The following RMDN2 variants were observed in gnomAD, a reference collection of about 807,000 sequenced individuals.
The protein encoded by RMDN2 is regulator of microtubule dynamics protein 2.
A neutral mutation model predicts 52.8 loss-of-function variants in RMDN2; 61 were observed. The observed-to-expected ratio is 1.16, with a 90% confidence interval of 0.94 to 1.43. RMDN2 has a LOEUF of 1.43. Ranked by LOEUF, RMDN2 falls within the 40% of genes most tolerant of loss-of-function variation. The probability of loss-of-function intolerance (pLI) is 0.00; values close to 1 mark genes in which losing one functional copy is unlikely to be tolerated. For synonymous variants in RMDN2, 180 were observed against 153.1 expected (o/e 1.18, Z -1.30); for missense variants, 592 against 475.3 (o/e 1.25, Z -2.28).
At chr2:37,966,913 T>C (rs1352232433) in intron 2 of RMDN2, among the ~76,000 whole-genome samples, 1 of 152,188 alleles carries the variant, frequency 6.6e-6, no homozygotes. Context: ...TAAAAGCCCC[T>C]ATCAGAGCAA....
intron 6 of RMDN2, 79 bp downstream of exon 6, chr2:37,989,695 A>G (rs913573791): frequency 2.1e-6 from 2 of 964,346 alleles, no homozygotes; most frequent in Admixed American, 4.5e-5. Flanking sequence ...AAAATGTTTT[A>G]ATGTAGCCAT....
upstream of RMDN2, among the ~76,000 whole-genome samples, chr2:37,925,016 T>C (rs1666153094): frequency 6.6e-6 from 1 of 151,402 alleles, no homozygotes; most frequent in Non-Finnish European, 1.5e-5. Flanking sequence ...GCGGTGGGCG[T>C]GCGGAGTGGC....
intron 7 of RMDN2, among the ~76,000 whole-genome samples, chr2:37,992,110 C>T (rs1452452261): frequency 6.6e-6 from 1 of 152,130 alleles, no homozygotes; most frequent in Non-Finnish European, 1.5e-5. Flanking sequence ...GCATTTCATC[C>T]TTAAAACAGT....
chr2:37,975,606 A>G (rs1672365270), intron 4 of RMDN2, among the ~76,000 whole-genome samples: 1 of 152,152 alleles, frequency 6.6e-6, no homozygotes. Context: ...TACCTAATGT[A>G]GATGTCGGGT....
intron 2 of RMDN2, among the ~76,000 whole-genome samples, chr2:37,968,037 C>T (rs896429768): frequency 6.6e-6 from 1 of 151,966 alleles, no homozygotes; most frequent in African/African-American, 2.4e-5. Context: ...TTTGAAGTCC[C>T]CTCATACTTA....
chr2:37,959,502 C>G (rs140437590), intron 2 of RMDN2, among the ~76,000 whole-genome samples: 3 of 150,914 alleles, frequency 2.0e-5, no homozygotes, highest in Non-Finnish European at 2.9e-5. Flanking sequence ...GGTAATATCC[C>G]TTTTATCATT....
chr2:37,957,259 T>TCAACCA (rs1669599696), intron 2 of RMDN2, among the ~76,000 whole-genome samples: 1 of 152,206 alleles, frequency 6.6e-6, no homozygotes, highest in Non-Finnish European at 1.5e-5. Context: ...TTGAACTAAT[T>TCAACCA]TACACTCCCA....
chr2:37,985,886 G>A (rs1438154881), intron 5 of RMDN2, among the ~76,000 whole-genome samples: 1 of 152,082 alleles, frequency 6.6e-6, no homozygotes, highest in East Asian at 1.9e-4. Context: ...AGTTAATAGT[G>A]TATTAATATT....
chr2:38,024,117 G>A (rs1296234635), intron 10 of RMDN2, among the ~76,000 whole-genome samples: 2 of 151,918 alleles, frequency 1.3e-5, no homozygotes, highest in South Asian at 4.2e-4. Context: ...TGAACTAATA[G>A]TTCATTTCTT....
chr2:37,959,899 A>C (rs1186297853), intron 2 of RMDN2, among the ~76,000 whole-genome samples: 1 of 148,212 alleles, frequency 6.7e-6, no homozygotes, highest in Non-Finnish European at 1.5e-5. Context: ...TAATTTTGTT[A>C]TTCACCCAGT....
chr2:38,041,112 G>A (rs1459694863), intron 10 of RMDN2, among the ~76,000 whole-genome samples: 2 of 152,102 alleles, frequency 1.3e-5, no homozygotes, highest in Admixed American at 1.3e-4. Context: ...GGTTCATTTT[G>A]GGGGGTTTTC....
chr2:38,035,426 C>G (rs1680506832), intron 10 of RMDN2, among the ~76,000 whole-genome samples: 1 of 152,090 alleles, frequency 6.6e-6, no homozygotes. Context: ...CAACAAGATT[C>G]TTTTTATGTT....
intron 2 of RMDN2, among the ~76,000 whole-genome samples, chr2:37,958,618 G>A (rs1669797033): frequency 6.6e-6 from 1 of 150,690 alleles, no homozygotes; most frequent in South Asian, 2.1e-4. Flanking sequence ...TTGTATTTGA[G>A]TATGCTTTAT....
At chr2:38,054,059 C>T (rs1355818379) in intron 10 of RMDN2, among the ~76,000 whole-genome samples, 3 of 152,180 alleles carry the variant, frequency 2.0e-5, no homozygotes, top group Non-Finnish European at 4.4e-5. Flanking sequence ...CACCTCATTC[C>T]TATGAACTAT....
In RMDN2 at chr2:37,954,509, A is replaced by G. The variant is rs189077462; in HGVS notation, c.453-19531A>G. ...CCTTTGTCAAAAGTCATGTGATCATATATGTGTGGTTGACTTCTGGGCTTT... is the reference window on the plus strand; with the variant it reads ...CCTTTGTCAAAAGTCATGTGATCATGTATGTGTGGTTGACTTCTGGGCTTT... On this transcript the variant is annotated intron_variant, in intron 2 of 10. Transcript: ENST00000354545. Among the ~76,000 whole-genome samples the G allele has an allele frequency of 2.6e-5, 4 of 152,226 alleles. No homozygotes were observed. In the East Asian group the frequency reaches 5.8e-4, roughly 22 times the overall value.
chr2:38,058,261 G>C (rs895576680), intron 10 of RMDN2, among the ~76,000 whole-genome samples: 1 of 152,186 alleles, frequency 6.6e-6, no homozygotes, highest in African/African-American at 2.4e-5. Flanking sequence ...GGGTGAAGGA[G>C]CCCAGGGTGG....
intron 2 of RMDN2, among the ~76,000 whole-genome samples, chr2:37,945,418 G>A (rs901074853): frequency 6.6e-5 from 10 of 152,172 alleles, no homozygotes; most frequent in African/African-American, 1.4e-4. Flanking sequence ...ATTTGTCTTC[G>A]GAAGTCTCAT....
At chr2:37,970,939 A>G (rs746963195) in intron 2 of RMDN2, among the ~76,000 whole-genome samples, 6 of 152,060 alleles carry the variant, frequency 3.9e-5, no homozygotes, top group South Asian at 2.1e-4. Context: ...AGTTTTATAT[A>G]TATTTTGTAT....
chr2:37,929,131 T>C (rs1350785120), intron 1 of RMDN2, 131 bp from the exon 2 acceptor site: 1 of 602,706 alleles, frequency 1.7e-6, no homozygotes, highest in Non-Finnish European at 3.0e-6. Context: ...TCCCACCCTT[T>C]GGGCTATTGT....
Sources: allele counts gnomAD v4.1 joint callset (sites outside exome capture counted in the v4.1 genomes callset), GRCh38; gene constraint gnomAD v4.1.1; transcripts MANE v1.5; gene names NCBI Gene and HGNC (gene_info 2026-07-23, HGNC 2026-07-21).